UGT2B15: variants seen among roughly 807,000 people sequenced by gnomAD.
UGT2B15 encodes the protein UDP-glucuronosyltransferase 2B15.
Under a neutral mutation model 45.9 loss-of-function variants are expected in UGT2B15, and 36 were observed. The observed-to-expected ratio is 0.78, with a 90% CI of 0.60 to 1.04. The LOEUF (loss-of-function observed/expected upper bound fraction) is 1.04, where lower values mean the gene tolerates loss of function less well. Ranked by LOEUF, UGT2B15 falls within the 50% of genes least tolerant of loss-of-function variation. The pLI is 0.00. For missense variants in UGT2B15, 617 were observed against 622.4 expected, an observed-to-expected ratio of 0.99 and a Z score of 0.09; for synonymous variants, 219 against 216.4, an observed-to-expected ratio of 1.01 and a Z score of -0.11.
intron 3 of UGT2B15, among the ~76,000 whole-genome samples, chr4:68,657,274 A>G (rs1349927298): frequency 6.6e-6 from 1 of 152,152 alleles, no homozygotes; most frequent in East Asian, 1.9e-4. Flanking sequence ...GTGGCCCTGC[A>G]GGGAAATCCC....
At chr4:68,656,690 A>C (rs1420778857) in intron 3 of UGT2B15, among the ~76,000 whole-genome samples, 18 of 152,126 alleles carry the variant, frequency 1.2e-4, no homozygotes, top group Admixed American at 1.2e-3. Context: ...AAAAATCTAG[A>C]GAAGGCTTCT....
rs1215470695 is a variant in UGT2B15 at position 68,663,361 on chromosome 4, A to ATGTG, written c.874-226_874-223dup. ...AATATGTGTGCATATGCATGTATGT[A>ATGTG]TGTGTGTGTAAGGAGGAAATGAAAC... On this transcript the variant is annotated intron_variant, in intron 2 of 5. Transcript: ENST00000338206. Among the ~76,000 whole-genome samples the ATGTG allele has an allele frequency of 3.3e-5, 5 of 152,180 alleles. No homozygotes were observed. The East Asian group carries it at 9.7e-4, about 29-fold the overall frequency.
At chr4:68,665,400 G>A (rs1733089938) in intron 2 of UGT2B15, among the ~76,000 whole-genome samples, 2 of 151,970 alleles carry the variant, frequency 1.3e-5, no homozygotes, top group Admixed American at 1.3e-4. Context: ...TTGAAAAAAG[G>A]ATTGTAATGG....
chr4:68,655,752 C>A (rs1732785157), intron 3 of UGT2B15, among the ~76,000 whole-genome samples: 1 of 152,002 alleles, frequency 6.6e-6, no homozygotes, highest in East Asian at 1.9e-4. Context: ...CTCATGTATC[C>A]CTAAAATGTA....
intron 5 of UGT2B15, among the ~76,000 whole-genome samples, chr4:68,648,193 G>A (rs1472512102): frequency 6.6e-6 from 1 of 151,998 alleles, no homozygotes; most frequent in Non-Finnish European, 1.5e-5. Flanking sequence ...ATTTCCATCT[G>A]GTTTCTTGTT....
chr4:68,647,610 G>C (rs183998636), intron 5 of UGT2B15, among the ~76,000 whole-genome samples: 48 of 152,000 alleles, frequency 3.2e-4, no homozygotes, highest in African/African-American at 1.1e-3. Context: ...TGGAATTTTC[G>C]GTGGGAAAGT....
chr4:68,651,759 T>A (rs1054573185), intron 5 of UGT2B15, among the ~76,000 whole-genome samples: 1 of 152,150 alleles, frequency 6.6e-6, no homozygotes. Context: ...AGTACCATTC[T>A]GTTTTGGTTA....
chr4:68,667,258 C>A (rs1407086767), intron 2 of UGT2B15, among the ~76,000 whole-genome samples: 1 of 151,442 alleles, frequency 6.6e-6, no homozygotes, highest in African/African-American at 2.4e-5. Flanking sequence ...TGCTCCCAGA[C>A]TCAAGCAAGC....
rs1179730819 is a variant in UGT2B15, at chr4:68,647,248, G to A, written c.1449C>T (p.Asn483=). 6.2e-7 allele frequency: 1 copy of A among 1,614,018 alleles called. No individual in the cohort carries two copies. Among genetic ancestry groups the A allele is most frequent in the Middle Eastern group, 1.6e-4 (1 of 6,062 alleles). Residue 483 remains asparagine, a synonymous_variant, in exon 6 of 6, where the codon AAC becomes AAT. Transcript: ENST00000338206. Reference sequence around the variant, plus strand: ...AAGAGTGGTACTGGATCCAGGTGAGGTTGTGAGCTGCGACTCGAAGGTGCT... The same window carrying A: ...AAGAGTGGTACTGGATCCAGGTGAGATTGTGAGCTGCGACTCGAAGGTGCT... The part of the protein sequence containing the change: ...GAKHLRVAAH[N]LTWIQYHSLD...
At chr4:68,655,313 C>A (rs1440764417) in intron 3 of UGT2B15, 131 bp from the exon 4 acceptor site, 17 of 1,167,812 alleles carry the variant, frequency 1.5e-5, no homozygotes, top group Non-Finnish European at 2.1e-5. Flanking sequence ...GAAGTGATGT[C>A]AAGTAATGAG....
At chr4:68,667,248 T>A (rs1469791424) in intron 2 of UGT2B15, among the ~76,000 whole-genome samples, 1 of 151,752 alleles carries the variant, frequency 6.6e-6, no homozygotes, top group Non-Finnish European at 1.5e-5. Context: ...CTGCAGCCTC[T>A]GCTCCCAGAC....
At chr4:68,659,524 C>A (rs190219333) in intron 3 of UGT2B15, among the ~76,000 whole-genome samples, 2 of 151,994 alleles carry the variant, frequency 1.3e-5, no homozygotes, top group Non-Finnish European at 2.9e-5. Context: ...TTATGGGAAA[C>A]TCCTATAATT....
At chr4:68,647,472 C>T (rs1398069981) in intron 5 of UGT2B15, 89 bp from the exon 6 acceptor site, 3 of 1,382,436 alleles carry the variant, frequency 2.2e-6, no homozygotes, top group Middle Eastern at 1.9e-4. Flanking sequence ...AAAAGTGTCA[C>T]ACAAATGATT....
chr4:68,648,610 T>C (rs1732554246), intron 5 of UGT2B15, among the ~76,000 whole-genome samples: 1 of 152,086 alleles, frequency 6.6e-6, no homozygotes, highest in Admixed American at 6.6e-5. Flanking sequence ...AGGATAAATG[T>C]ATATATACTA....
At chr4:68,656,414 CCAGTAT>C (rs1037184268) in intron 3 of UGT2B15, among the ~76,000 whole-genome samples, 10 of 148,244 alleles carry the variant, frequency 6.7e-5, no homozygotes, top group East Asian at 3.9e-4. Flanking sequence ...TTTGTACATT[CCAGTAT>C]TTCTCCCATC....
chr4:68,655,625 CT>C (rs1165147729), intron 3 of UGT2B15, among the ~76,000 whole-genome samples: 1 of 152,080 alleles, frequency 6.6e-6, no homozygotes, highest in African/African-American at 2.4e-5. Flanking sequence ...CTATTTGTCT[CT>C]CATCTACCTA....
chr4:68,666,209 A>G (rs1369826162), intron 2 of UGT2B15, among the ~76,000 whole-genome samples: 1 of 152,062 alleles, frequency 6.6e-6, no homozygotes, highest in South Asian at 2.1e-4. Flanking sequence ...TTACAATACA[A>G]CTTTAGCTTT....
At chr4:68,658,879 T>C (rs928433987) in intron 3 of UGT2B15, among the ~76,000 whole-genome samples, 3 of 152,174 alleles carry the variant, frequency 2.0e-5, no homozygotes, top group Admixed American at 1.3e-4. Flanking sequence ...CCAGGGACTA[T>C]CACAGAAGAG....
chr4:68,662,598 GTTAT>G (rs1178586606), intron 3 of UGT2B15, among the ~76,000 whole-genome samples: 2 of 151,454 alleles, frequency 1.3e-5, no homozygotes, highest in African/African-American at 4.9e-5. Context: ...CCTGCTTATT[GTTAT>G]TGTGATAGTA....
Sources: allele counts gnomAD v4.1 joint callset (sites outside exome capture counted in the v4.1 genomes callset), GRCh38; gene constraint gnomAD v4.1.1; transcripts MANE v1.5; gene names NCBI Gene and HGNC (gene_info 2026-07-23, HGNC 2026-07-21).